The following GABRP variants were observed in gnomAD, a reference collection of about 807,000 sequenced individuals.
GABRP encodes the protein gamma-aminobutyric acid type A receptor subunit pi, also known as gamma-aminobutyric acid receptor subunit pi.
A neutral mutation model predicts 47.8 loss-of-function variants in GABRP; 52 were observed. That is an observed-to-expected ratio of 1.09 (90% confidence interval 0.87 to 1.37). The LOEUF (loss-of-function observed/expected upper bound fraction) is 1.37. Ranked by LOEUF, GABRP falls within the 40% of genes most tolerant of loss-of-function variation. GABRP has a pLI of 0.00. For missense variants in GABRP, 525 were observed against 542.8 expected (o/e 0.97, Z 0.33); for synonymous variants, 221 against 205.8 (o/e 1.07, Z -0.63).
chr5:170,813,110 G>C lies in GABRP; in HGVS notation c.*852G>C, dbSNP rs1765936576. The C allele has an allele frequency of 6.6e-6, 1 of 152,160 alleles. No individual in the cohort carries two copies. Among genetic ancestry groups the C allele is most frequent in the Non-Finnish European group, 1.5e-5 (1 of 68,024 alleles). 9.4% of individuals were successfully genotyped at this position (152,160 alleles called of 1,614,324 possible). A position where few individuals can be genotyped will look rare whatever the true frequency, so the allele number is the denominator to read the frequency against. On this transcript the variant is annotated 3_prime_UTR_variant, in exon 10 of 10. Transcript: ENST00000265294. ...TGTTCTAGAAGTCTTAATATGGGCT[G>C]TTGCCATGAAGGCTTGCAGAATTGA...
At chr5:170,804,555 G>C (rs765128770) in intron 6 of GABRP, among the ~76,000 whole-genome samples, 3 of 152,026 alleles carry the variant, frequency 2.0e-5, no homozygotes, top group Non-Finnish European at 2.9e-5. Context: ...CCATCTAATG[G>C]GTGTGAGGCA....
intron 7 of GABRP, among the ~76,000 whole-genome samples, chr5:170,807,399 C>T (rs1026062837): frequency 6.6e-6 from 1 of 152,178 alleles, no homozygotes; most frequent in South Asian, 2.1e-4. Context: ...TAAAAAATGG[C>T]TTCAGTTTTC....
intron 6 of GABRP, among the ~76,000 whole-genome samples, chr5:170,804,103 G>A (rs1765665005): frequency 6.6e-6 from 1 of 151,780 alleles, no homozygotes; most frequent in African/African-American, 2.4e-5. Context: ...CTTTCACTTA[G>A]CATGTTTTTG....
intron 6 of GABRP, among the ~76,000 whole-genome samples, chr5:170,803,635 G>T (rs1765650754): frequency 6.6e-6 from 1 of 152,124 alleles, no homozygotes; most frequent in African/African-American, 2.4e-5. Flanking sequence ...CCCATCTGCA[G>T]TCACGCCTCT....
chr5:170,795,077 A>G (rs2127255591), intron 4 of GABRP, 131 bp from the exon 5 acceptor site: 2 of 706,504 alleles, frequency 2.8e-6, no homozygotes, highest in South Asian at 3.2e-5. Context: ...AACTTTATTC[A>G]CCAAAGTCTG....
At chr5:170,810,063 C>T (rs745914190) in intron 9 of GABRP, 12 of 657,022 alleles carry the variant, frequency 1.8e-5, no homozygotes, top group Non-Finnish European at 3.3e-5. Flanking sequence ...ATGAAAAAAA[C>T]ATGATCAGCT....
intron 6 of GABRP, among the ~76,000 whole-genome samples, chr5:170,798,125 T>C (rs1765484840): frequency 6.6e-6 from 1 of 152,246 alleles, no homozygotes; most frequent in Non-Finnish European, 1.5e-5. Context: ...CACTGCAAGC[T>C]CTGCCTCCCA....
chr5:170,790,946 T>C (rs1765248404), intron 3 of GABRP, among the ~76,000 whole-genome samples: 1 of 152,094 alleles, frequency 6.6e-6, no homozygotes, highest in South Asian at 2.1e-4. Context: ...GAGACACAAT[T>C]AAGATGTGAG....
At chr5:170,799,948 A>G (rs1389352269) in intron 6 of GABRP, among the ~76,000 whole-genome samples, 2 of 152,212 alleles carry the variant, frequency 1.3e-5, no homozygotes, top group African/African-American at 4.8e-5. Flanking sequence ...TGCCATCCCC[A>G]TCAAGCTACC....
At chr5:170,807,699 C>T (rs1273736269) in intron 7 of GABRP, among the ~76,000 whole-genome samples, 1 of 152,078 alleles carries the variant, frequency 6.6e-6, no homozygotes, top group African/African-American at 2.4e-5. Context: ...TAAGTAATCT[C>T]TAGGGTCTCA....
intron 6 of GABRP, among the ~76,000 whole-genome samples, chr5:170,803,325 T>C (rs1254139599): frequency 6.6e-6 from 1 of 152,180 alleles, no homozygotes; most frequent in African/African-American, 2.4e-5. Context: ...AAAGGCAATA[T>C]ACCTTTATGT....
At chr5:170,800,157 G>A (rs1361216861) in intron 6 of GABRP, among the ~76,000 whole-genome samples, 1 of 152,096 alleles carries the variant, frequency 6.6e-6, no homozygotes, top group Non-Finnish European at 1.5e-5. Flanking sequence ...TAGACCAATG[G>A]AACCAAAGAG....
At chr5:170,805,643 T>C (rs2127263795) in intron 6 of GABRP, 73 bp from the exon 7 acceptor site, 3 of 1,523,116 alleles carry the variant, frequency 2.0e-6, no homozygotes, top group Non-Finnish European at 2.7e-6. Context: ...CTCCATATTA[T>C]AGCATTTTCC....
chr5:170,796,590 C>G (rs1314362313), intron 5 of GABRP, among the ~76,000 whole-genome samples: 1 of 152,202 alleles, frequency 6.6e-6, no homozygotes, highest in East Asian at 1.9e-4. Context: ...TCAGTTTCAT[C>G]AGCAGTAAAA....
At chr5:170,788,473 T>G in intron 1 of GABRP, 101 bp from the exon 2 acceptor site, 5 of 716,472 alleles carry the variant, frequency 7.0e-6, no homozygotes, top group African/African-American at 1.8e-5. Flanking sequence ...CTATGCATGC[T>G]GAGAAAATGC....
At chr5:170,810,200 T>G in intron 9 of GABRP, 1 of 444,898 alleles carries the variant, frequency 2.2e-6, no homozygotes, top group Non-Finnish European at 3.9e-6. Flanking sequence ...ACAAATTTCT[T>G]GGTGAGCATA....
At chr5:170,811,840 T>C in intron 9 of GABRP, 116 bp from the exon 10 acceptor site, 1 of 958,522 alleles carries the variant, frequency 1.0e-6, no homozygotes, top group Non-Finnish European at 1.6e-6. Flanking sequence ...AATGCCACTC[T>C]CTATTAAGCC....
intron 1 of GABRP, chr5:170,788,314 A>C (rs1478978167): frequency 1.5e-5 from 4 of 272,120 alleles, no homozygotes; most frequent in Non-Finnish European, 2.7e-5. Context: ...ATGTCCCTGC[A>C]CTTCAGCCTG....
chr5:170,794,674 G>A (rs568835288), intron 4 of GABRP, among the ~76,000 whole-genome samples: 2 of 152,168 alleles, frequency 1.3e-5, no homozygotes, highest in South Asian at 4.1e-4. Flanking sequence ...CTTTTATAAT[G>A]GGGGAGACAA....
Sources: allele counts gnomAD v4.1 joint callset (sites outside exome capture counted in the v4.1 genomes callset), GRCh38; gene constraint gnomAD v4.1.1; transcripts MANE v1.5; gene names NCBI Gene and HGNC (gene_info 2026-07-23, HGNC 2026-07-21).